The following DRC11 variants were observed in gnomAD, a reference collection of about 807,000 sequenced individuals.
DRC11 encodes the protein dynein regulatory complex subunit 11.
At chr2:236,434,664 G>A in the DRC11 span, among the ~76,000 whole-genome samples, 11 of 152,296 alleles carry the variant, frequency 7.2e-5, no homozygotes, top group African/African-American at 2.6e-4. The surrounding 1 kb of genome is among the most constrained non-coding windows in gnomAD (Gnocchi z 5.5). Context: ...TCAAGGCTAA[G>A]CTGCTTTGTG....
chr2:236,339,608 A>G, the DRC11 span, among the ~76,000 whole-genome samples: 1 of 152,160 alleles, frequency 6.6e-6, no homozygotes, highest in African/African-American at 2.4e-5. Context: ...TAAGGGTCCA[A>G]CTCTTTCTTT....
chr2:236,321,480 C>T, the DRC11 span, among the ~76,000 whole-genome samples: 2 of 151,956 alleles, frequency 1.3e-5, no homozygotes, highest in Admixed American at 6.5e-5. Context: ...TATATCTAAG[C>T]GTATCTACAC....
At chr2:236,403,871 G>GC in the DRC11 span, among the ~76,000 whole-genome samples, 1 of 151,966 alleles carries the variant, frequency 6.6e-6, no homozygotes, top group Non-Finnish European at 1.5e-5. Flanking sequence ...GTGCCTCGGG[G>GC]CCCCGACTGC....
chr2:236,323,085 G>A, the DRC11 span, among the ~76,000 whole-genome samples: 2 of 152,200 alleles, frequency 1.3e-5, no homozygotes, highest in Non-Finnish European at 2.9e-5. This position sits in a 1 kb window ranked among gnomAD's most constrained non-coding sequence, Gnocchi z 6.4. Context: ...AAGTGAAATG[G>A]TATTTTAAAA....
chr2:236,449,998 T>G, the DRC11 span, among the ~76,000 whole-genome samples: 1 of 152,192 alleles, frequency 6.6e-6, no homozygotes, highest in African/African-American at 2.4e-5. The surrounding 1 kb of genome is among the most constrained non-coding windows in gnomAD (Gnocchi z 5.1). Flanking sequence ...GCTGTCCACC[T>G]GGATTAGCTT....
At chr2:236,413,016 T>A in the DRC11 span, 1 of 152,216 alleles carries the variant, frequency 6.6e-6, no homozygotes, top group Non-Finnish European at 1.5e-5. This position sits in a 1 kb window ranked among gnomAD's most constrained non-coding sequence, Gnocchi z 4.0. Context: ...ACTTGGGCTG[T>A]GAGCGTAGGC....
At chr2:236,367,986 G>A in the DRC11 span, 11 of 591,730 alleles carry the variant, frequency 1.9e-5, no homozygotes, top group East Asian at 5.9e-5. The surrounding 1 kb of genome is among the most constrained non-coding windows in gnomAD (Gnocchi z 4.8). Context: ...AAGCAGGCAC[G>A]CAGAGAGGGT....
At chr2:236,505,497 T>G in the DRC11 span, among the ~76,000 whole-genome samples, 15 of 152,088 alleles carry the variant, frequency 9.9e-5, no homozygotes, top group Non-Finnish European at 1.0e-4. Flanking sequence ...GCCCTCTGTC[T>G]CTGGCTGTGG....
chr2:236,407,953 T>G, the DRC11 span: 89 of 531,568 alleles, frequency 1.7e-4, no homozygotes, highest in South Asian at 1.2e-3. Flanking sequence ...ATGGCCAAAC[T>G]TGGCAGTGGT....
chr2:236,390,860 G>A, the DRC11 span, among the ~76,000 whole-genome samples: 1 of 152,180 alleles, frequency 6.6e-6, no homozygotes, highest in African/African-American at 2.4e-5. The surrounding 1 kb of genome is among the most constrained non-coding windows in gnomAD (Gnocchi z 5.9). Flanking sequence ...GGTTTCACTG[G>A]CCTGGTGCTG....
At chr2:236,459,624 C>CATACATAT in the DRC11 span, among the ~76,000 whole-genome samples, 3 of 82,648 alleles carry the variant, frequency 3.6e-5, no homozygotes, top group African/African-American at 1.4e-4. Context: ...TAAGTATATA[C>CATACATAT]ATACGTATAT....
the DRC11 span, among the ~76,000 whole-genome samples, chr2:236,334,366 C>A: frequency 6.6e-6 from 1 of 152,132 alleles, no homozygotes; most frequent in East Asian, 1.9e-4. This position sits in a 1 kb window ranked among gnomAD's most constrained non-coding sequence, Gnocchi z 7.8. Context: ...AGCATGGGAG[C>A]CCCAGAGGCT....
chr2:236,361,798 C>T, the DRC11 span, among the ~76,000 whole-genome samples: 1 of 152,146 alleles, frequency 6.6e-6, no homozygotes, highest in African/African-American at 2.4e-5. The surrounding 1 kb of genome is among the most constrained non-coding windows in gnomAD (Gnocchi z 5.7). Context: ...GGAGCAAATG[C>T]TCTAGTTAAA....
At chr2:236,381,492 T>C in the DRC11 span, among the ~76,000 whole-genome samples, 1 of 151,780 alleles carries the variant, frequency 6.6e-6, no homozygotes, top group Non-Finnish European at 1.5e-5. This position sits in a 1 kb window ranked among gnomAD's most constrained non-coding sequence, Gnocchi z 5.8. Flanking sequence ...CTCCCAGAAC[T>C]ATGAGCTATT....
At chr2:236,395,656 A>C in the DRC11 span, among the ~76,000 whole-genome samples, 1 of 152,228 alleles carries the variant, frequency 6.6e-6, no homozygotes, top group South Asian at 2.1e-4. Flanking sequence ...ACATAGGAAA[A>C]GGAATCAATG....
the DRC11 span, chr2:236,465,533 G>T: frequency 6.2e-7 from 1 of 1,613,956 alleles, no homozygotes; most frequent in Non-Finnish European, 8.5e-7. This position sits in a 1 kb window ranked among gnomAD's most constrained non-coding sequence, Gnocchi z 6.2. Flanking sequence ...TGCCGGATCT[G>T]GTCTTGAAGG....
At chr2:236,356,343 G>T in the DRC11 span, among the ~76,000 whole-genome samples, 1 of 152,206 alleles carries the variant, frequency 6.6e-6, no homozygotes, top group African/African-American at 2.4e-5. Flanking sequence ...GAAGAAGCAG[G>T]ATGGCCTTCA....
chr2:236,493,820 T>C, the DRC11 span: 1 of 1,608,640 alleles, frequency 6.2e-7, no homozygotes, highest in Non-Finnish European at 8.5e-7. Context: ...AAGAATTTTC[T>C]CTCTTCCTTT....
the DRC11 span, among the ~76,000 whole-genome samples, chr2:236,495,018 T>C: frequency 6.6e-6 from 1 of 152,224 alleles, no homozygotes; most frequent in African/African-American, 2.4e-5. This position sits in a 1 kb window ranked among gnomAD's most constrained non-coding sequence, Gnocchi z 5.6. Flanking sequence ...CATTGTCTTA[T>C]AGCTCCATCT....
Sources: allele counts gnomAD v4.1 joint callset (sites outside exome capture counted in the v4.1 genomes callset), GRCh38; gene constraint gnomAD v4.1.1; non-coding constraint Gnocchi (gnomAD v3.1); transcripts MANE v1.5; gene names NCBI Gene and HGNC (gene_info 2026-07-23, HGNC 2026-07-21).